Variants in ZMAT4 observed in about 807,000 individuals in gnomAD.
The protein encoded by ZMAT4 is zinc finger matrin-type protein 4.
In ZMAT4, 17 loss-of-function variants were observed where a neutral mutation model predicts 28.7. The observed-to-expected ratio is 0.59, with a 90% CI of 0.41 to 0.89. ZMAT4 has a LOEUF of 0.89. ZMAT4 is among the 40% of genes least tolerant of loss of function. ZMAT4 has a pLI of 0.00. For synonymous variants in ZMAT4, 117 were observed against 109.2 expected (o/e 1.07, Z -0.44); for missense variants, 240 against 283.8 (o/e 0.85, Z 1.11).
intron 1 of ZMAT4, among the ~76,000 whole-genome samples, chr8:40,883,861 A>G (rs1235665650): frequency 1.3e-5 from 2 of 152,156 alleles, no homozygotes; most frequent in Non-Finnish European, 2.9e-5. Flanking sequence ...CCAGGCCTGT[A>G]GGAATCTATG....
intron 1 of ZMAT4, among the ~76,000 whole-genome samples, chr8:40,853,181 C>T (rs1195114981): frequency 6.6e-6 from 1 of 152,128 alleles, no homozygotes; most frequent in Non-Finnish European, 1.5e-5. Flanking sequence ...TGGTAGGAGG[C>T]AGAAGTCCTT....
intron 3 of ZMAT4, among the ~76,000 whole-genome samples, chr8:40,742,519 A>G (rs1432778501): frequency 6.6e-6 from 1 of 152,110 alleles, no homozygotes; most frequent in Non-Finnish European, 1.5e-5. Context: ...TAAATAAACA[A>G]TATTTAAAAA....
chr8:40,786,793 T>C (rs1469290897), intron 2 of ZMAT4: 4 of 1,245,286 alleles, frequency 3.2e-6, no homozygotes, highest in Non-Finnish European at 4.2e-6. Context: ...CTAGGATAGA[T>C]GGGAACAAAC....
At chr8:40,756,457 T>TATATATATATATATATAC (rs1278110013) in intron 3 of ZMAT4, among the ~76,000 whole-genome samples, 41 of 113,268 alleles carry the variant, frequency 3.6e-4, no homozygotes, top group African/African-American at 8.9e-4. Context: ...TATATATATA[T>TATATATATATATATATAC]ACACACTTGT....
At chr8:40,647,629 A>G (rs368791027) in intron 5 of ZMAT4, among the ~76,000 whole-genome samples, 2 of 152,324 alleles carry the variant, frequency 1.3e-5, no homozygotes, top group East Asian at 3.9e-4. Context: ...GGCAGGGCAC[A>G]GACAAACAAA....
At chr8:40,774,682 A>G (rs1291740071) in intron 2 of ZMAT4, among the ~76,000 whole-genome samples, 1 of 45,522 alleles carries the variant, frequency 2.2e-5, no homozygotes, top group Non-Finnish European at 1.2e-4. Flanking sequence ...AATGACATAG[A>G]AATATATATA....
chr8:40,714,761 G>A (rs973402774), intron 3 of ZMAT4, among the ~76,000 whole-genome samples: 3 of 152,146 alleles, frequency 2.0e-5, no homozygotes, highest in Non-Finnish European at 4.4e-5. Context: ...GAAGAAGTGT[G>A]TGAAATAGTC....
chr8:40,820,266 GTGTC>G (rs1815707196), intron 2 of ZMAT4, among the ~76,000 whole-genome samples: 1 of 149,302 alleles, frequency 6.7e-6, no homozygotes, highest in African/African-American at 2.5e-5. Flanking sequence ...GTATTGGTGT[GTGTC>G]TGTAGATGTG....
At chr8:40,766,571 A>T (rs567503212) in intron 3 of ZMAT4, among the ~76,000 whole-genome samples, 1 of 152,320 alleles carries the variant, frequency 6.6e-6, no homozygotes, top group East Asian at 1.9e-4. Flanking sequence ...TTTTGCTTCC[A>T]ATAAGCTCTA....
At chr8:40,738,445 G>A (rs1298331485) in intron 3 of ZMAT4, among the ~76,000 whole-genome samples, 3 of 152,138 alleles carry the variant, frequency 2.0e-5, no homozygotes, top group Non-Finnish European at 4.4e-5. Flanking sequence ...AGGGATCAAA[G>A]AGCATAAAGG....
chr8:40,732,418 G>A (rs1171359819), intron 3 of ZMAT4, among the ~76,000 whole-genome samples: 3 of 152,176 alleles, frequency 2.0e-5, no homozygotes, highest in Non-Finnish European at 2.9e-5. Context: ...ACAATGAGGT[G>A]CCAGGGCCTG....
At chr8:40,736,788 G>A (rs1241076253) in intron 3 of ZMAT4, among the ~76,000 whole-genome samples, 1 of 127,666 alleles carries the variant, frequency 7.8e-6, no homozygotes, top group Non-Finnish European at 1.7e-5. Flanking sequence ...AAAGCAGGAT[G>A]TGAAAACCAG....
chr8:40,533,864 T>G (rs1292154699), intron 6 of ZMAT4, among the ~76,000 whole-genome samples: 3 of 152,250 alleles, frequency 2.0e-5, no homozygotes, highest in Non-Finnish European at 4.4e-5. Context: ...AATTCAACAG[T>G]CCTTGTCATC....
intron 3 of ZMAT4, among the ~76,000 whole-genome samples, chr8:40,699,563 A>G (rs1810040140): frequency 6.6e-6 from 1 of 150,956 alleles, no homozygotes; most frequent in South Asian, 2.1e-4. Flanking sequence ...ATAAGTGTCC[A>G]TCAATAGACG....
At chr8:40,722,191 A>C (rs531449595) in intron 3 of ZMAT4, among the ~76,000 whole-genome samples, 1 of 152,178 alleles carries the variant, frequency 6.6e-6, no homozygotes, top group African/African-American at 2.4e-5. Context: ...AATTAAACTA[A>C]AGAGCTTCTG....
intron 6 of ZMAT4, among the ~76,000 whole-genome samples, chr8:40,566,975 C>T (rs1392450824): frequency 6.6e-6 from 1 of 152,034 alleles, no homozygotes; most frequent in Non-Finnish European, 1.5e-5. Context: ...TTTATAAGAT[C>T]TTTTTGTTAG....
intron 1 of ZMAT4, among the ~76,000 whole-genome samples, chr8:40,829,464 G>A (rs1271293324): frequency 6.6e-6 from 1 of 152,196 alleles, no homozygotes; most frequent in Admixed American, 6.5e-5. Context: ...ACAGATCCAT[G>A]TGTATAGCAG....
intron 3 of ZMAT4, among the ~76,000 whole-genome samples, chr8:40,736,067 G>T (rs543349605): frequency 6.6e-6 from 1 of 152,306 alleles, no homozygotes; most frequent in South Asian, 2.1e-4. Context: ...CAGAGCGGGA[G>T]AAACACTGTA....
Position 40,581,179 on chromosome 8 carries a change from A to G in ZMAT4, c.660T>C (p.Ser220=). The change falls in exon 6 of 7, where the codon TCT becomes TCC. Residue 220 remains serine (S), a synonymous_variant. Transcript: ENST00000297737. ...AAAGTACCTACTTGGTCTGGTGTTT[A>G]GATCCTTTCAGATGGGCATGATACT... ...IEQYHAHLKG[S]KHQTNLKNK 6.2e-7 allele frequency: 1 copy of G among 1,613,212 alleles called. No homozygotes were observed. The highest frequency in any genetic ancestry group is 8.5e-7 in the Non-Finnish European group (1 of 1,179,362).
Sources: gnomAD v4.1 joint callset for allele counts (sites outside exome capture counted in the v4.1 genomes callset) on GRCh38, gnomAD v4.1.1 for gene constraint, MANE v1.5 for transcripts, NCBI Gene and HGNC (gene_info 2026-07-23, HGNC 2026-07-21) for gene names.